The following NLRC5 variants were observed in gnomAD, a reference collection of about 807,000 sequenced individuals.
NLRC5 encodes the protein protein NLRC5.
A neutral mutation model predicts 206.9 loss-of-function variants in NLRC5; 114 were observed. The ratio of observed to expected loss-of-function variants is 0.55; its 90% CI spans 0.47 to 0.64. NLRC5 has a LOEUF of 0.64. NLRC5 is among the 30% of genes least tolerant of loss of function. The pLI is 0.00. For missense variants in NLRC5, 2,008 were observed against 2,305.5 expected (o/e 0.87, Z 2.64); for synonymous variants, 952 against 962.8 (o/e 0.99, Z 0.21).
At position 57,061,700 on chromosome 16, in the gene NLRC5, A is replaced by G; in HGVS notation, c.4153A>G (p.Arg1385Gly). ...GCGACCCGCAGGGCTGTTCAGCCTC[A>G]GGTACCTCCTCCCCCGCTGCCTCCG... ...VGRPAGLFSL[R>G]VQEPWADRAR... is the part of the protein sequence containing the mutation. Residue 1385 changes from arginine (R) to glycine (G), a missense_variant and splice_region_variant, in exon 32 of 49, where the codon AGG becomes GGG. Physicochemically the swap from Arg to Gly is moderately radical, Grantham distance 125. Coordinates refer to ENST00000688547, the MANE Select transcript of NLRC5 (RefSeq NM_001384950.1). The G allele has an allele frequency of 6.2e-7, 1 of 1,603,068 alleles. No individual in the cohort carries two copies. The highest frequency in any genetic ancestry group is 1.1e-5 in the South Asian group (1 of 90,442).
At position 57,061,694 on chromosome 16, in the gene NLRC5, A is replaced by G. The variant is rs781736811; in HGVS notation, c.4147A>G (p.Ser1383Gly). The G allele has an allele frequency of 5.6e-6, 9 of 1,604,568 alleles. No homozygotes were observed. In the East Asian group the frequency reaches 2.0e-4, roughly 36 times the overall value. ...SLVGRPAGLF[S>G]LRVQEPWADR... The stretch of plus-strand genomic sequence containing the variant: ...GGTGGGGCGACCCGCAGGGCTGTTC[A>G]GCCTCAGGTACCTCCTCCCCCGCTG... Residue 1383 changes from serine (S) to glycine (G), a missense_variant, in exon 32 of 49, where the codon AGC (serine) becomes GGC (glycine). Ser to Gly is a moderately conservative substitution (Grantham distance 56, BLOSUM62 0). Transcript: ENST00000688547.
chr16:57,067,478 C>A lies in NLRC5; in HGVS notation c.4406+8C>A. 1 of 1,613,960 alleles carries A rather than the reference C, an allele frequency of 6.2e-7. No individual in the cohort carries two copies. Among genetic ancestry groups the A allele is most frequent in the East Asian group, 2.2e-5 (1 of 44,870 alleles). On this transcript the variant is annotated splice_region_variant and intron_variant, in intron 35 of 48. Coordinates refer to ENST00000688547, the MANE Select transcript of NLRC5 (RefSeq NM_001384950.1). Reference sequence around the variant, plus strand: ...CAGGCTGCAGCAGCTCAGGTCAGCGCCTGGAAACTCTGTGTGGGGCCCTGA... The same window carrying A: ...CAGGCTGCAGCAGCTCAGGTCAGCGACTGGAAACTCTGTGTGGGGCCCTGA...
chr16:57,045,138 T>C (rs1199483069), intron 20 of NLRC5, among the ~76,000 whole-genome samples: 1 of 151,842 alleles, frequency 6.6e-6, no homozygotes, highest in East Asian at 1.9e-4. Flanking sequence ...CCGGGGAAGG[T>C]TGAGGCTGCA....
chr16:57,027,092 C>T, intron 6 of NLRC5, 74 bp downstream of exon 6: 2 of 1,514,654 alleles, frequency 1.3e-6, no homozygotes, highest in Non-Finnish European at 8.9e-7. Context: ...GTCTAGCAAA[C>T]CTCTGCCAAG....
In NLRC5 at chr16:57,026,611, C is replaced by T; in HGVS notation, c.1668C>T (p.Gly556=). 2 of 1,614,234 alleles carry T rather than the reference C, an allele frequency of 1.2e-6. No homozygotes were observed. Among genetic ancestry groups the T allele is most frequent in the Non-Finnish European group, 1.7e-6 (2 of 1,180,050 alleles). The change falls in exon 6 of 49, where the codon GGC becomes GGT. Residue 556 remains glycine, a synonymous_variant. Transcript: ENST00000688547. The part of the protein sequence containing the change: ...RWVQRTKARL[G]LSDHLPTFLA... Reference sequence around the variant, plus strand: ...TACAGCGGACCAAAGCTAGACTGGGCCTCTCAGACCACCTCCCCACCTTCC... The same window carrying T: ...TACAGCGGACCAAAGCTAGACTGGGTCTCTCAGACCACCTCCCCACCTTCC...
chr16:57,081,472 A>G (rs2069135332), intron 47 of NLRC5, 55 bp from the exon 48 acceptor site: 2 of 1,532,514 alleles, frequency 1.3e-6, no homozygotes, highest in Admixed American at 3.3e-5. Flanking sequence ...AAACTCTCAC[A>G]CCCATTCTCA....
intron 1 of NLRC5, among the ~76,000 whole-genome samples, chr16:56,999,356 C>T (rs1031314643): frequency 5.9e-5 from 9 of 152,316 alleles, no homozygotes; most frequent in African/African-American, 1.4e-4. Flanking sequence ...AGGGTAGAAG[C>T]GCAGTAAGAT....
chr16:57,056,296 CT>C (rs1204033400), intron 27 of NLRC5, among the ~76,000 whole-genome samples: 8 of 149,670 alleles, frequency 5.3e-5, no homozygotes, highest in East Asian at 3.9e-4. Context: ...TCATGGATTT[CT>C]TTTTTTTTTA....
At chr16:57,032,025 A>G (rs549556432) in intron 11 of NLRC5, among the ~76,000 whole-genome samples, 29 of 151,970 alleles carry the variant, frequency 1.9e-4, no homozygotes, top group Non-Finnish European at 3.8e-4. Context: ...TCTCCTGGCT[A>G]AGACTCAGAG....
chr16:57,033,173 A>G (rs774633958), intron 11 of NLRC5, among the ~76,000 whole-genome samples: 2 of 152,218 alleles, frequency 1.3e-5, no homozygotes, highest in Non-Finnish European at 2.9e-5. Flanking sequence ...AACCACAGAC[A>G]GCACATCCAC....
rs201719627 is a variant in NLRC5 at position 57,022,267 on chromosome 16, C to A, written c.307C>A (p.Gln103Lys). ...TFGYDDGFTS[Q>K]LGAEGKSQPE... is the part of the protein sequence containing the mutation. ...CCCCTCTCTTGCAGGGTTCACCAGC[C>A]AGCTGGGAGCTGAGGGGAAAAGCCA... The change falls in exon 4 of 49, where the codon CAG (glutamine) becomes AAG (lysine). Residue 103 changes from glutamine (Q) to lysine (K), a missense_variant. By Grantham distance (53) the Gln-to-Lys change is moderately conservative. Coordinates refer to ENST00000688547, the MANE Select transcript of NLRC5 (RefSeq NM_001384950.1). The A allele has an allele frequency of 6.2e-7, 1 of 1,612,030 alleles. No homozygotes were observed. The highest frequency in any genetic ancestry group is 2.2e-5 in the East Asian group (1 of 44,794).
Position 57,077,455 on chromosome 16 carries a change from G to A in NLRC5, c.4919+76G>A, listed in dbSNP as rs1040010197. 7 of 1,361,164 alleles carry A rather than the reference G, an allele frequency of 5.1e-6. No homozygotes were observed. The Admixed American group carries it at 9.7e-5, about 19-fold the overall frequency. The allele number at this position is 1,361,164 out of a possible 1,614,324, so 84.3% of individuals were successfully genotyped here. On this transcript the variant is annotated intron_variant, in intron 41 of 48. Coordinates refer to ENST00000688547, the MANE Select transcript of NLRC5 (RefSeq NM_001384950.1). ...TAGGAGATACTGGCCCCTAGCTGAG[G>A]CCAGCATGGTAAAATCTCCCCTGCG...
chr16:57,079,054 C>A lies in NLRC5; in HGVS notation c.5086C>A (p.Pro1696Thr), dbSNP rs2068793307. 6.2e-7 allele frequency: 1 copy of A among 1,613,908 alleles called. No homozygotes were observed. The highest frequency in any genetic ancestry group is 8.5e-7 in the Non-Finnish European group (1 of 1,179,892). The change falls in exon 44 of 49, where the codon CCA becomes ACA. Residue 1696 changes from proline to threonine, a missense_variant. Coordinates refer to ENST00000688547, the MANE Select transcript of NLRC5 (RefSeq NM_001384950.1). ...LPQHLRVLHL[P>T]FSHLGPGGAL... ...CACCCTCTCCTCTTTCCCCAGCCTACCATTCAGCCATCTGGGCCCAGGTGG... is the reference window on the plus strand; with the variant it reads ...CACCCTCTCCTCTTTCCCCAGCCTAACATTCAGCCATCTGGGCCCAGGTGG...
chr16:57,072,036 A>G (rs1249997155), intron 38 of NLRC5, among the ~76,000 whole-genome samples: 1 of 152,088 alleles, frequency 6.6e-6, no homozygotes, highest in Non-Finnish European at 1.5e-5. Flanking sequence ...AGAATACACA[A>G]CTCAAAGCAA....
At position 57,046,783 on chromosome 16, in the gene NLRC5, G is replaced by A. The variant is rs80335106; in HGVS notation, c.3338+142G>A. 999 of 695,844 alleles carry A rather than the reference G, an allele frequency of 1.4e-3. 2 individuals are homozygous for A. The African/African-American group carries it at 0.016, about 11-fold the overall frequency. The allele number at this position is 695,844 out of a possible 1,614,324, so 43.1% of individuals were successfully genotyped here. A position where few individuals can be genotyped will look rare whatever the true frequency, so the allele number is the denominator to read the frequency against. ...TAAGAGAAAAGGAAAAGAAAGAGGCGTGGGTGTGAGGGGTGCTGGGAGTTG... is the reference window on the plus strand; with the variant it reads ...TAAGAGAAAAGGAAAAGAAAGAGGCATGGGTGTGAGGGGTGCTGGGAGTTG... On this transcript the variant is annotated intron_variant, in intron 22 of 48. Transcript: ENST00000688547.
At chr16:57,001,293 G>A (rs1352701636) in intron 1 of NLRC5, among the ~76,000 whole-genome samples, 4 of 152,190 alleles carry the variant, frequency 2.6e-5, no homozygotes, top group African/African-American at 4.8e-5. Flanking sequence ...AGTCATGACT[G>A]GGGTGCCTGG....
At chr16:57,063,840 G>A (rs1356166344) in intron 32 of NLRC5, among the ~76,000 whole-genome samples, 6 of 152,040 alleles carry the variant, frequency 3.9e-5, no homozygotes, top group South Asian at 4.1e-4. Context: ...CTGGGTTCAC[G>A]CCATTCTCCT....
intron 24 of NLRC5, among the ~76,000 whole-genome samples, chr16:57,053,256 GA>G (rs2144331625): frequency 6.6e-6 from 1 of 152,310 alleles, no homozygotes; most frequent in East Asian, 1.9e-4. Context: ...GGACCTAAAG[GA>G]AGAGAGAGAG....
rs1291806974 is a variant in NLRC5 at position 57,055,242 on chromosome 16, TGAA to T, written c.3659+152_3659+154del. On this transcript the variant is annotated intron_variant, in intron 26 of 48. Coordinates refer to ENST00000688547, the MANE Select transcript of NLRC5 (RefSeq NM_001384950.1). ...GCAGAGGGACTTGTTTCACCCAGCA[TGAA>T]GAAACACAGGTCCGGGTGGGATCTA... 13 of 968,706 alleles carry T rather than the reference TGAA, an allele frequency of 1.3e-5. No individual in the cohort carries two copies. In the East Asian group the frequency reaches 3.4e-4, roughly 25 times the overall value. The allele number at this position is 968,706 out of a possible 1,614,324, so 60.0% of individuals were successfully genotyped here.
Sources: gnomAD v4.1 joint callset for allele counts (sites outside exome capture counted in the v4.1 genomes callset) on GRCh38, gnomAD v4.1.1 for gene constraint, MANE v1.5 for transcripts, NCBI Gene and HGNC (gene_info 2026-07-23, HGNC 2026-07-21) for gene names.